FARP1: variants seen among roughly 807,000 people sequenced by gnomAD.
The protein encoded by FARP1 is FERM, ARH/RhoGEF and pleckstrin domain protein 1.
A neutral mutation model predicts 128.8 loss-of-function variants in FARP1; 52 were observed. The observed-to-expected ratio is 0.40, with a 90% CI of 0.32 to 0.51. The LOEUF (loss-of-function observed/expected upper bound fraction) is 0.51, where lower values mean the gene tolerates loss of function less well. Ranked by LOEUF, FARP1 falls within the 20% of genes least tolerant of loss-of-function variation. FARP1 has a pLI of 0.45. For missense variants in FARP1, 1,333 were observed against 1,367.9 expected, an observed-to-expected ratio of 0.97 and a Z score of 0.40; for synonymous variants, 580 against 551.8, an observed-to-expected ratio of 1.05 and a Z score of -0.72.
At chr13:98,321,248 A>T (rs1478300054) in intron 2 of FARP1, among the ~76,000 whole-genome samples, 1 of 152,092 alleles carries the variant, frequency 6.6e-6, no homozygotes, top group Non-Finnish European at 1.5e-5. Context: ...TGTGACCGAA[A>T]CTGAGGATCC....
At chr13:98,305,098 A>G (rs10851088) in intron 2 of FARP1, among the ~76,000 whole-genome samples, 64,555 of 142,108 alleles carry the variant, frequency 0.45, 14,287 homozygotes, top group East Asian at 0.7. Flanking sequence ...AAGAATATTT[A>G]AATGTGTATA....
chr13:98,291,763 C>T (rs1449388591), intron 2 of FARP1, among the ~76,000 whole-genome samples: 3 of 152,194 alleles, frequency 2.0e-5, no homozygotes, highest in Non-Finnish European at 4.4e-5. Flanking sequence ...CTCCTTTGAG[C>T]GCCTCCAGGT....
intron 13 of FARP1, chr13:98,401,665 C>T (rs1356590706): frequency 6.7e-6 from 1 of 149,600 alleles, no homozygotes; most frequent in Non-Finnish European, 1.5e-5. Flanking sequence ...GAAAAAAGTT[C>T]TCACTTCATA....
chr13:98,188,166 C>G (rs959640843), intron 1 of FARP1, among the ~76,000 whole-genome samples: 1 of 152,120 alleles, frequency 6.6e-6, no homozygotes, highest in African/African-American at 2.4e-5. Context: ...GAACACCCCT[C>G]GCATTTCGGC....
At chr13:98,338,274 GC>G (rs2139855007) in intron 2 of FARP1, among the ~76,000 whole-genome samples, 1 of 152,220 alleles carries the variant, frequency 6.6e-6, no homozygotes, top group African/African-American at 2.4e-5. Flanking sequence ...TTCTTACCTT[GC>G]AAAACTGAAG....
chr13:98,417,455 G>GGGAAAAAAAAAA lies in FARP1; in HGVS notation c.1826+5421_1826+5422insGGAAAAAAAAAA, dbSNP rs1491453247. Among the ~76,000 whole-genome samples, 556 of 58,470 alleles carry GGGAAAAAAAAAA rather than the reference G, an allele frequency of 9.5e-3. 36 individuals are homozygous for GGGAAAAAAAAAA. Among genetic ancestry groups the GGGAAAAAAAAAA allele is most frequent in the African/African-American group, 0.025 (439 of 17,458 alleles). The allele number at this position is 58,470 out of a possible 152,430, so 38.4% of individuals were successfully genotyped here. ...AGGAAACAGAGGCCACCAGAGGTTT[G>GGGAAAAAAAAAA]AAAAAAAAAAAAAAAAAAAAAAAAA... On this transcript the variant is annotated intron_variant, in intron 16 of 26. Coordinates refer to ENST00000319562, the MANE Select transcript of FARP1 (RefSeq NM_005766.4).
chr13:98,223,979 T>C (rs1399673937), intron 2 of FARP1, among the ~76,000 whole-genome samples: 1 of 152,218 alleles, frequency 6.6e-6, no homozygotes, highest in East Asian at 1.9e-4. Flanking sequence ...ACATGAACTA[T>C]AAAATGCAAT....
chr13:98,377,303 A>G (rs1217146533), intron 5 of FARP1, among the ~76,000 whole-genome samples: 1 of 150,170 alleles, frequency 6.7e-6, no homozygotes, highest in Non-Finnish European at 1.5e-5. Flanking sequence ...TTTGTCTCAA[A>G]AAAAAAAAAA....
intron 11 of FARP1, among the ~76,000 whole-genome samples, chr13:98,392,615 A>G (rs1890358073): frequency 6.6e-6 from 1 of 151,470 alleles, no homozygotes; most frequent in Non-Finnish European, 1.5e-5. Flanking sequence ...TTTTTTTGAG[A>G]TCTGTTTTAA....
chr13:98,397,853 T>G (rs1415140252), intron 13 of FARP1: 1 of 151,074 alleles, frequency 6.6e-6, no homozygotes, highest in Non-Finnish European at 1.5e-5. Flanking sequence ...CTGCTTTTTC[T>G]TGATGCCTGT....
chr13:98,187,751 T>C (rs1878972400), intron 1 of FARP1, among the ~76,000 whole-genome samples: 1 of 152,192 alleles, frequency 6.6e-6, no homozygotes, highest in Non-Finnish European at 1.5e-5. Flanking sequence ...GCAGAAATCG[T>C]GTGGCTGTTG....
intron 2 of FARP1, among the ~76,000 whole-genome samples, chr13:98,286,959 T>G (rs1209313834): frequency 6.6e-6 from 1 of 152,152 alleles, no homozygotes; most frequent in Non-Finnish European, 1.5e-5. Context: ...CCAATTTAAT[T>G]AAAAAACTCT....
chr13:98,322,526 A>G (rs1313887382), intron 2 of FARP1, among the ~76,000 whole-genome samples: 4 of 152,194 alleles, frequency 2.6e-5, no homozygotes, highest in African/African-American at 9.6e-5. Context: ...ATGCTGCACC[A>G]TCATCCCTCT....
intron 13 of FARP1, 90 bp from the exon 14 acceptor site, chr13:98,409,248 C>A: frequency 2.9e-6 from 3 of 1,042,038 alleles, no homozygotes; most frequent in Non-Finnish European, 4.1e-6. Context: ...TCAAATCTTA[C>A]GATTTGAAAA....
intron 1 of FARP1, among the ~76,000 whole-genome samples, chr13:98,181,597 A>ATTATTTATTTAT (rs56127904): frequency 2.2e-5 from 3 of 135,560 alleles, no homozygotes; most frequent in Non-Finnish European, 3.1e-5. Context: ...TAGAAATAAT[A>ATTATTTATTTAT]TTATTTATTT....
chr13:98,271,792 T>C (rs762509447), intron 2 of FARP1, among the ~76,000 whole-genome samples: 2 of 152,226 alleles, frequency 1.3e-5, no homozygotes, highest in Non-Finnish European at 2.9e-5. Context: ...TGCCACATTT[T>C]CTTTATCTAA....
intron 1 of FARP1, among the ~76,000 whole-genome samples, chr13:98,193,950 A>G (rs1309925129): frequency 6.6e-6 from 1 of 152,180 alleles, no homozygotes; most frequent in Non-Finnish European, 1.5e-5. Context: ...GAACTACACA[A>G]AAATTAATAG....
chr13:98,310,849 C>T (rs896271254), intron 2 of FARP1, among the ~76,000 whole-genome samples: 1 of 152,204 alleles, frequency 6.6e-6, no homozygotes, highest in Non-Finnish European at 1.5e-5. Flanking sequence ...TATCCTTCCT[C>T]CTGCCCCCTT....
chr13:98,395,514 C>A (rs898948396), intron 13 of FARP1, 38 bp downstream of exon 13: 1 of 1,537,602 alleles, frequency 6.5e-7, no homozygotes, highest in African/African-American at 1.4e-5. Context: ...GCAGTACTTC[C>A]ATTCCTTTCA....
Sources: gnomAD v4.1 joint callset for allele counts (sites outside exome capture counted in the v4.1 genomes callset) on GRCh38, gnomAD v4.1.1 for gene constraint, MANE v1.5 for transcripts, NCBI Gene and HGNC (gene_info 2026-07-23, HGNC 2026-07-21) for gene names.